Variants in LRRC53 observed in about 807,000 individuals in gnomAD.
LRRC53 encodes the protein leucine rich repeat containing 53, also known as leucine-rich repeat-containing protein 53.
Under a neutral mutation model 13.6 loss-of-function variants are expected in LRRC53, and 25 were observed. The observed-to-expected ratio is 1.83, with a 90% CI of 1.34 to 2.56. LRRC53 has a LOEUF of 2.56. Ranked by LOEUF, LRRC53 falls within the 30% of genes most tolerant of loss-of-function variation. LRRC53 has a pLI of 0.00. For missense variants in LRRC53, 527 were observed against 275.8 expected (o/e 1.91, Z -6.45); for synonymous variants, 204 against 109.8 (o/e 1.86, Z -5.37).
intron 4 of LRRC53, among the ~76,000 whole-genome samples, chr1:74,473,770 G>A (rs1022838762): frequency 3.3e-5 from 5 of 152,106 alleles, no homozygotes; most frequent in Admixed American, 6.6e-5. Context: ...CTAGATGGGA[G>A]CTTTATGTAA....
chr1:74,517,099 T>C (rs1646360128), upstream of LRRC53, among the ~76,000 whole-genome samples: 1 of 152,182 alleles, frequency 6.6e-6, no homozygotes, highest in Non-Finnish European at 1.5e-5. Flanking sequence ...ACCCCTATTT[T>C]GGTAGATGCT....
At chr1:74,483,475 G>C (rs1426737322) in intron 1 of LRRC53, 100 bp from the exon 2 acceptor site, 1 of 587,462 alleles carries the variant, frequency 1.7e-6, no homozygotes, top group Non-Finnish European at 3.1e-6. Flanking sequence ...AATTTCTACT[G>C]TTCAATGAGC....
chr1:74,472,033 G>T lies in LRRC53; in HGVS notation c.1589C>A (p.Ser530Tyr). Residue 530 changes from serine to tyrosine, a missense_variant, in exon 5 of 5, where the codon TCC becomes TAC. Ser to Tyr is a moderately radical substitution (Grantham distance 144). Transcript: ENST00000294635. ...GTGTTCCTCAGGCTCACAAGGCTTG[G>T]ATGATGAGCTTGTAATAAAATGTCT... ...RQRHFITSSS[S>Y]KPCEPEEHYV... The T allele has an allele frequency of 1.4e-6, 1 of 707,786 alleles. No individual in the cohort carries two copies. The highest frequency in any genetic ancestry group is 1.5e-5 in the South Asian group (1 of 65,864). The allele number at this position is 707,786 out of a possible 1,614,324, so 43.8% of individuals were successfully genotyped here. A position where few individuals can be genotyped will look rare whatever the true frequency, so the allele number is the denominator to read the frequency against.
At chr1:74,481,017 G>A (rs1392754275) in intron 2 of LRRC53, 49 bp from the exon 3 acceptor site, 5 of 660,650 alleles carry the variant, frequency 7.6e-6, no homozygotes, top group South Asian at 7.0e-5. Context: ...ATGAGTGGGA[G>A]GGAGGGGGTA....
the LRRC53 span, among the ~76,000 whole-genome samples, chr1:74,536,153 A>C: frequency 6.6e-6 from 1 of 152,190 alleles, no homozygotes; most frequent in Admixed American, 6.5e-5. Context: ...AGTTGAGTCT[A>C]TATTTGCATA....
chr1:74,473,719 C>G (rs1260887548), intron 4 of LRRC53, among the ~76,000 whole-genome samples: 4 of 151,954 alleles, frequency 2.6e-5, no homozygotes, highest in Admixed American at 6.6e-5. Flanking sequence ...TCTGGGTGAC[C>G]TTGGAGAAGC....
chr1:74,505,755 T>A (rs945450110), intron 1 of LRRC53, among the ~76,000 whole-genome samples: 1 of 152,162 alleles, frequency 6.6e-6, no homozygotes, highest in Non-Finnish European at 1.5e-5. Flanking sequence ...ATTTAGTTAA[T>A]GGCAACTAAC....
At chr1:74,534,634 A>G in the LRRC53 span, among the ~76,000 whole-genome samples, 1 of 152,144 alleles carries the variant, frequency 6.6e-6, no homozygotes, top group Non-Finnish European at 1.5e-5. Context: ...TCTTCTTGGG[A>G]CTTGCTTAAC....
the LRRC53 span, among the ~76,000 whole-genome samples, chr1:74,525,100 G>A: frequency 1.4e-4 from 22 of 152,162 alleles, no homozygotes; most frequent in African/African-American, 5.3e-4. Context: ...ACATACTAAA[G>A]AGGGCACTTA....
chr1:74,497,659 G>A (rs1557607697), intron 1 of LRRC53, among the ~76,000 whole-genome samples: 1 of 151,752 alleles, frequency 6.6e-6, no homozygotes, highest in Admixed American at 6.6e-5. Context: ...CATTTATTCA[G>A]CCTTGACCTC....
chr1:74,492,097 C>T, intron 1 of LRRC53: 1 of 1,560,376 alleles, frequency 6.4e-7, no homozygotes, highest in South Asian at 1.2e-5. Flanking sequence ...CTCCACTCAG[C>T]TGATGTCTCC....
intron 3 of LRRC53, among the ~76,000 whole-genome samples, chr1:74,478,169 G>A (rs1035861636): frequency 6.6e-6 from 1 of 152,148 alleles, no homozygotes; most frequent in African/African-American, 2.4e-5. Flanking sequence ...TTCAGAAAGA[G>A]TGGAATCTTA....
In LRRC53 at chr1:74,495,944, G is replaced by T. The variant is rs75014592; in HGVS notation, c.-26-12569C>A. The stretch of plus-strand genomic sequence containing the variant: ...ATCAATAGGTGTTTAAAGTCAGAGA[G>T]CCCAAGGATATAAAAATTGATGGAC... On this transcript the variant is annotated intron_variant, in intron 1 of 4. Transcript: ENST00000294635. 9.2e-5 allele frequency among the ~76,000 whole-genome samples: 14 copies of T among 152,236 alleles called. No individual in the cohort carries two copies. In the East Asian group the frequency reaches 2.7e-3, roughly 29 times the overall value.
chr1:74,487,067 TGTAAA>T (rs1557600053), intron 1 of LRRC53, among the ~76,000 whole-genome samples: 2 of 152,204 alleles, frequency 1.3e-5, no homozygotes, highest in African/African-American at 4.8e-5. Flanking sequence ...ACAATTTTGC[TGTAAA>T]GTAAACAGCA....
intron 1 of LRRC53, among the ~76,000 whole-genome samples, chr1:74,503,636 A>C (rs775935732): frequency 6.6e-6 from 1 of 152,132 alleles, no homozygotes; most frequent in South Asian, 2.1e-4. Flanking sequence ...TATGACATGC[A>C]CTTCCTGAAC....
chr1:74,521,657 G>C, the LRRC53 span, among the ~76,000 whole-genome samples: 1 of 152,124 alleles, frequency 6.6e-6, no homozygotes, highest in Non-Finnish European at 1.5e-5. Context: ...AGGTCACAGT[G>C]ATCAGCAAGA....
Position 74,475,754 on chromosome 1 carries a change from C to T in LRRC53, c.961G>A (p.Gly321Ser). ...LVVFNWKLHQ[G>S]KANEHTSENL... ...TCTGATGTGTGTTCATTTGCTTTGC[C>T]TTGGTGGAGTTTCCAGTTAAATACA... The change falls in exon 4 of 5, where the codon GGC (glycine) becomes AGC (serine). Residue 321 changes from glycine to serine, a missense_variant. Physicochemically the swap from Gly to Ser is moderately conservative, Grantham distance 56 (BLOSUM62 0). Coordinates refer to ENST00000294635, the MANE Select transcript of LRRC53 (RefSeq NM_001382280.1). The T allele has an allele frequency of 1.5e-6, 1 of 648,198 alleles. No individual in the cohort carries two copies. The highest frequency in any genetic ancestry group is 2.8e-6 in the Non-Finnish European group (1 of 352,994). 40.2% of individuals were successfully genotyped at this position (648,198 alleles called of 1,614,324 possible).
At chr1:74,511,942 A>G (rs984987579) in intron 1 of LRRC53, among the ~76,000 whole-genome samples, 2 of 152,214 alleles carry the variant, frequency 1.3e-5, no homozygotes, top group African/African-American at 4.8e-5. Context: ...ATGAGGATCT[A>G]AAGTCAATAG....
upstream of LRRC53, among the ~76,000 whole-genome samples, chr1:74,514,851 T>A (rs1646326353): frequency 6.6e-6 from 1 of 152,172 alleles, no homozygotes; most frequent in Non-Finnish European, 1.5e-5. Context: ...GTGACCCTAT[T>A]TGGAAACAGG....
Sources: allele counts gnomAD v4.1 joint callset (sites outside exome capture counted in the v4.1 genomes callset), GRCh38; gene constraint gnomAD v4.1.1; transcripts MANE v1.5; gene names NCBI Gene and HGNC (gene_info 2026-07-23, HGNC 2026-07-21).